Variants in PSD3 observed in about 807,000 individuals in gnomAD.
The protein encoded by PSD3 is pleckstrin and Sec7 domain containing 3.
In PSD3, 49 loss-of-function variants were observed where a neutral mutation model predicts 105.5. That is an observed-to-expected ratio of 0.46 (90% CI 0.37 to 0.59). The LOEUF is 0.59. Among genes scored for constraint, PSD3 ranks in the 20% least tolerant of loss-of-function variants. The pLI is 0.00. For synonymous variants in PSD3, 557 were observed against 457.8 expected (o/e 1.22, Z -2.77); for missense variants, 1,561 against 1,263.8 (o/e 1.24, Z -3.57).
chr8:18,808,787 C>A, intron 4 of PSD3: 2 of 1,614,054 alleles, frequency 1.2e-6, no homozygotes, highest in East Asian at 2.2e-5. Flanking sequence ...AAGAGCCCAT[C>A]GCAACCCCTG....
chr8:18,791,797 G>C (rs1809744072), intron 8 of PSD3, among the ~76,000 whole-genome samples: 1 of 152,132 alleles, frequency 6.6e-6, no homozygotes, highest in African/African-American at 2.4e-5. Flanking sequence ...ACAACCTACA[G>C]AATGCGAGAA....
chr8:18,552,188 C>T (rs995915465), intron 15 of PSD3, among the ~76,000 whole-genome samples: 3 of 152,202 alleles, frequency 2.0e-5, no homozygotes, highest in African/African-American at 7.2e-5. Context: ...ACCTGACCTT[C>T]AGCAATTCCC....
intron 11 of PSD3, among the ~76,000 whole-genome samples, chr8:18,611,342 T>G (rs1267415477): frequency 6.6e-6 from 1 of 152,016 alleles, no homozygotes; most frequent in East Asian, 1.9e-4. Context: ...TGGATCCCAA[T>G]TTTGGAAGTC....
At chr8:18,859,241 T>G (rs994978043) in intron 4 of PSD3, among the ~76,000 whole-genome samples, 2 of 150,980 alleles carry the variant, frequency 1.3e-5, no homozygotes, top group Admixed American at 6.7e-5. Context: ...TTTTTTTTTT[T>G]GCCTCTAAGC....
chr8:18,653,870 A>C (rs557928721), intron 10 of PSD3, among the ~76,000 whole-genome samples: 15 of 152,110 alleles, frequency 9.9e-5, no homozygotes, highest in Non-Finnish European at 1.8e-4. Context: ...TCTTGCCCAG[A>C]GTGAATATGA....
At chr8:19,040,671 T>A (rs547027743) in intron 1 of PSD3, among the ~76,000 whole-genome samples, 4 of 152,160 alleles carry the variant, frequency 2.6e-5, no homozygotes, top group Non-Finnish European at 5.9e-5. Flanking sequence ...CGATTCAGAA[T>A]CTGCTGCAAT....
chr8:18,828,991 G>C (rs986043523), intron 4 of PSD3, among the ~76,000 whole-genome samples: 1 of 152,090 alleles, frequency 6.6e-6, no homozygotes, highest in African/African-American at 2.4e-5. Flanking sequence ...CGGACGGCTT[G>C]AGCCTGGGAG....
At chr8:18,996,173 C>A (rs1179074676) in intron 1 of PSD3, among the ~76,000 whole-genome samples, 1 of 151,198 alleles carries the variant, frequency 6.6e-6, no homozygotes, top group Non-Finnish European at 1.5e-5. Context: ...AACATGGGGC[C>A]TTTTGTGTTT....
At chr8:19,009,080 A>G (rs1261249447) in intron 1 of PSD3, among the ~76,000 whole-genome samples, 1 of 152,254 alleles carries the variant, frequency 6.6e-6, no homozygotes, top group Admixed American at 6.5e-5. Context: ...CCAATTAATG[A>G]CACATAACTA....
intron 4 of PSD3, among the ~76,000 whole-genome samples, chr8:18,805,947 C>A (rs1478016881): frequency 6.6e-6 from 1 of 152,138 alleles, no homozygotes; most frequent in African/African-American, 2.4e-5. Flanking sequence ...GTCATTCTCT[C>A]AAGGAAAAAT....
chr8:18,614,383 T>C (rs1344182026), intron 11 of PSD3, among the ~76,000 whole-genome samples: 1 of 135,758 alleles, frequency 7.4e-6, no homozygotes, highest in African/African-American at 2.8e-5. Flanking sequence ...AGCATGTAGA[T>C]GGCATCATTC....
chr8:18,572,660 T>A lies in PSD3; in HGVS notation c.2652A>T (p.Glu884Asp), dbSNP rs1479447533. The A allele has an allele frequency of 6.2e-7, 1 of 1,613,912 alleles. No individual in the cohort carries two copies. The highest frequency in any genetic ancestry group is 1.7e-5 in the Admixed American group (1 of 60,000). ...VLLFQTQSPEEMQGWINKINC... is the reference protein window; with the variant it reads ...VLLFQTQSPEDMQGWINKINC... ...TGATTTTGTTTATCCACCCTTGCATTTCCTCTGGGCTCCTATGAGAAATAG... is the reference window on the plus strand; with the variant it reads ...TGATTTTGTTTATCCACCCTTGCATATCCTCTGGGCTCCTATGAGAAATAG... The change falls in exon 14 of 16, where the codon GAA (glutamate) becomes GAT (aspartate). Residue 884 changes from glutamate (E) to aspartate (D), a missense_variant. Physicochemically the swap from Glu to Asp is conservative, Grantham distance 45. Coordinates refer to ENST00000327040, the MANE Select transcript of PSD3 (RefSeq NM_015310.4).
chr8:18,586,749 A>G (rs1336334756), intron 12 of PSD3, among the ~76,000 whole-genome samples: 1 of 152,118 alleles, frequency 6.6e-6, no homozygotes, highest in East Asian at 1.9e-4. Context: ...TACCCCCCTC[A>G]TTTATCCCCA....
chr8:18,771,053 G>C (rs1278049079), intron 8 of PSD3, among the ~76,000 whole-genome samples: 1 of 152,188 alleles, frequency 6.6e-6, no homozygotes, highest in Non-Finnish European at 1.5e-5. Flanking sequence ...CTGTCAGACT[G>C]TCCCTCTGAA....
Position 18,872,035 on chromosome 8 carries a change from C to G in PSD3, c.829G>C (p.Gly277Arg). 1 of 1,614,174 alleles carries G rather than the reference C, an allele frequency of 6.2e-7. No individual in the cohort carries two copies. The highest frequency in any genetic ancestry group is 8.5e-7 in the Non-Finnish European group (1 of 1,180,026). ...GFLKEQRSAL[G>R]REHPGGCDRS... ...TCACATCCCCCTGGGTGCTCTCTCC[C>G]AAGAGCAGACCTCTGCTCTTTCAAG... Residue 277 changes from glycine (G) to arginine (R), a missense_variant, in exon 3 of 16, where the codon GGG becomes CGG. Physicochemically the swap from Gly to Arg is moderately radical, Grantham distance 125. Coordinates refer to ENST00000327040, the MANE Select transcript of PSD3 (RefSeq NM_015310.4).
At chr8:19,081,481 G>A (rs921354150) in intron 1 of PSD3, among the ~76,000 whole-genome samples, 4 of 152,210 alleles carry the variant, frequency 2.6e-5, no homozygotes, top group Non-Finnish European at 5.9e-5. Flanking sequence ...CTTCATCCTA[G>A]TCCCATGGAG....
At chr8:18,815,746 G>A (rs549482022) in intron 4 of PSD3, among the ~76,000 whole-genome samples, 22 of 142,632 alleles carry the variant, frequency 1.5e-4, no homozygotes, top group Non-Finnish European at 2.4e-4. Flanking sequence ...CTGACGACAT[G>A]GCCGTACGGT....
chr8:18,601,211 G>A (rs75249411), intron 11 of PSD3, among the ~76,000 whole-genome samples: 1 of 152,098 alleles, frequency 6.6e-6, no homozygotes. Context: ...CTACTGACTT[G>A]TATAAACTCT....
At chr8:18,594,762 G>A (rs7007390) in intron 12 of PSD3, among the ~76,000 whole-genome samples, 87,747 of 151,640 alleles carry the variant, frequency 0.58, 25,440 homozygotes, top group South Asian at 0.75. Flanking sequence ...TTCTGTACAC[G>A]TTTTACATCA....
Sources: gnomAD v4.1 joint callset for allele counts (sites outside exome capture counted in the v4.1 genomes callset) on GRCh38, gnomAD v4.1.1 for gene constraint, MANE v1.5 for transcripts, NCBI Gene and HGNC (gene_info 2026-07-23, HGNC 2026-07-21) for gene names.